PEX5: variants seen among roughly 807,000 people sequenced by gnomAD.
PEX5 encodes PTS1 receptor.
PEX5 carries 52 observed loss-of-function variants against 82.9 expected under a neutral mutation model. That is an observed-to-expected ratio of 0.63 (90% CI 0.50 to 0.79). The LOEUF is 0.79. Among genes scored for constraint, PEX5 ranks in the 30% least tolerant of loss-of-function variants. The pLI, the probability that PEX5 is intolerant of heterozygous loss-of-function variation, is 0.00. For missense variants in PEX5, 719 were observed against 815.2 expected (o/e 0.88, Z 1.44); for synonymous variants, 300 against 318.8 (o/e 0.94, Z 0.63).
rs771366153 is a variant in PEX5 at position 7,210,668 on chromosome 12, A to AATGTCTG, written c.*446_*452dup. ...GGAGGTTCATCTGCTGTGCGCCTCT[A>AATGTCTG]ATGTCTGTCTGGATGGGATGTGTTA... On this transcript the variant is annotated 3_prime_UTR_variant, in exon 16 of 16. Coordinates refer to ENST00000675855, the MANE Select transcript of PEX5 (RefSeq NM_001351132.2). 90 of 292,812 alleles carry AATGTCTG rather than the reference A, an allele frequency of 3.1e-4. No homozygotes were observed. Among genetic ancestry groups the AATGTCTG allele is most frequent in the Non-Finnish European group, 4.4e-4 (66 of 150,170 alleles). 18.1% of individuals were successfully genotyped at this position (292,812 alleles called of 1,614,324 possible). A position where few individuals can be genotyped will look rare whatever the true frequency, so the allele number is the denominator to read the frequency against.
At chr12:7,201,965 T>G in intron 7 of PEX5, 124 bp downstream of exon 7, 1 of 786,370 alleles carries the variant, frequency 1.3e-6, no homozygotes, top group Non-Finnish European at 2.2e-6. Flanking sequence ...TTCGTTCCTG[T>G]CTATAGAACA....
At chr12:7,218,280 A>G (rs1945836718) in intron 17 of PEX5, 1 of 152,196 alleles carries the variant, frequency 6.6e-6, no homozygotes, top group Admixed American at 6.5e-5. Context: ...CAATTGAGAC[A>G]CTTTCTGGTC....
chr12:7,202,214 T>A, intron 7 of PEX5, 27 bp from the exon 8 acceptor site: 1 of 1,613,838 alleles, frequency 6.2e-7, no homozygotes, highest in Non-Finnish European at 8.5e-7. Context: ...CTTTCCCAAG[T>A]GGCCTGTGTG....
intron 12 of PEX5, 72 bp from the exon 13 acceptor site, chr12:7,208,385 G>C (rs1591794847): frequency 1.8e-6 from 2 of 1,133,422 alleles, no homozygotes; most frequent in East Asian, 4.9e-5. Flanking sequence ...GCTTGGCTTG[G>C]ATCCCAGGGT....
chr12:7,196,202 TTA>T (rs1411716686), intron 5 of PEX5, among the ~76,000 whole-genome samples: 3 of 138,316 alleles, frequency 2.2e-5, no homozygotes, highest in African/African-American at 7.7e-5. Flanking sequence ...GTAATATATG[TTA>T]TGTAATAATT....
In PEX5 at chr12:7,189,714, T is replaced by C. The variant is rs770339670; in HGVS notation, c.-53T>C. 324 of 341,372 alleles carry C rather than the reference T, an allele frequency of 9.5e-4. 1 individual carries two copies. Among genetic ancestry groups the C allele is most frequent in the Middle Eastern group, 2.4e-3 (3 of 1,258 alleles). 21.1% of individuals were successfully genotyped at this position (341,372 alleles called of 1,614,324 possible). ...TTCTCCCCTCCCCCAAGCCAGCACC[T>C]GGTGCCCCGGCGGGTCGTGCGGCGC... On this transcript the variant is annotated 5_prime_UTR_variant, in exon 1 of 16. Coordinates refer to ENST00000675855, the MANE Select transcript of PEX5 (RefSeq NM_001351132.2).
At chr12:7,190,225 C>T (rs1565668536) in intron 1 of PEX5, 137 bp from the exon 2 acceptor site, 8 of 1,582,090 alleles carry the variant, frequency 5.1e-6, no homozygotes, top group South Asian at 2.2e-5. Context: ...AGGTGGGGGT[C>T]GCAGCAAAAG....
At chr12:7,192,699 C>T (rs747339503) in intron 5 of PEX5, among the ~76,000 whole-genome samples, 2 of 152,276 alleles carry the variant, frequency 1.3e-5, no homozygotes, top group African/African-American at 4.8e-5. Context: ...CTGAATTTTT[C>T]TGAGATGATT....
chr12:7,202,107 G>T, intron 7 of PEX5, 134 bp from the exon 8 acceptor site: 1 of 1,379,942 alleles, frequency 7.2e-7, no homozygotes, highest in East Asian at 2.3e-5. Context: ...ACCTCTTTTA[G>T]GGTCTTTAGC....
At position 7,210,544 on chromosome 12, in the gene PEX5, G is replaced by C. The variant is rs1405008194; in HGVS notation, c.*321G>C. 4.4e-6 allele frequency: 2 copies of C among 459,662 alleles called. No individual in the cohort carries two copies. The highest frequency in any genetic ancestry group is 4.0e-5 in the African/African-American group (2 of 50,504). The allele number at this position is 459,662 out of a possible 1,614,324, so 28.5% of individuals were successfully genotyped here. ...CGATTTAGGGTAACTGTTATCATCAGCTGCCATTTCTGATAGGGTCTACCA... is the reference window on the plus strand; with the variant it reads ...CGATTTAGGGTAACTGTTATCATCACCTGCCATTTCTGATAGGGTCTACCA... On this transcript the variant is annotated 3_prime_UTR_variant, in exon 16 of 16. Coordinates refer to ENST00000675855, the MANE Select transcript of PEX5 (RefSeq NM_001351132.2).
downstream of PEX5, among the ~76,000 whole-genome samples, chr12:7,212,464 G>A (rs1182953043): frequency 6.8e-4 from 65 of 96,266 alleles, no homozygotes; most frequent in African/African-American, 2.0e-3. Context: ...AAAGCTGCCA[G>A]AAAAAAAAAA....
At chr12:7,196,296 ATAT>A (rs1942194741) in intron 5 of PEX5, among the ~76,000 whole-genome samples, 1 of 72,668 alleles carries the variant, frequency 1.4e-5, no homozygotes, top group African/African-American at 5.7e-5. Flanking sequence ...TAATTTAATT[ATAT>A]GTCATATATA....
rs766287262 is a variant in PEX5, at chr12:7,202,703, A to C, written c.845A>C (p.Glu282Ala). 1.2e-5 allele frequency: 20 copies of C among 1,609,366 alleles called. No homozygotes were observed. In the South Asian group the frequency reaches 2.0e-4, roughly 16 times the overall value. ...TTTGAACGAGCCAAGTCAGCTATAGAGGTGAGAGCAGATAGTGCAGGAGCA... is the reference window on the plus strand; with the variant it reads ...TTTGAACGAGCCAAGTCAGCTATAGCGGTGAGAGCAGATAGTGCAGGAGCA... ...MEFERAKSAIESDVDFWDKLQ... is the reference protein window; with the variant it reads ...MEFERAKSAIASDVDFWDKLQ... Residue 282 changes from glutamate to alanine, a missense_variant and splice_region_variant, in exon 9 of 16, where the codon GAG (glutamate) becomes GCG (alanine). By Grantham distance (107) the Glu-to-Ala change is moderately radical. Transcript: ENST00000675855.
Position 7,202,686 on chromosome 12 carries a change from A to C in PEX5, c.828A>C (p.Arg276=). 8 of 1,613,762 alleles carry C rather than the reference A, an allele frequency of 5.0e-6. No homozygotes were observed. The highest frequency in any genetic ancestry group is 6.8e-6 in the Non-Finnish European group (8 of 1,179,652). ...CTGCCCTTGATATGGAGTTTGAACG[A>C]GCCAAGTCAGCTATAGAGGTGAGAG... ...NTSALDMEFE[R]AKSAIESDVD... is the part of the protein sequence containing the mutation. Residue 276 remains arginine (R), a synonymous_variant, in exon 9 of 16, where the codon CGA becomes CGC. Transcript: ENST00000675855.
chr12:7,207,482 C>G (rs1024335650), intron 10 of PEX5, among the ~76,000 whole-genome samples, 177 bp from the exon 11 acceptor site: 10 of 152,146 alleles, frequency 6.6e-5, no homozygotes, highest in Admixed American at 2.6e-4. Context: ...AAACCTGATA[C>G]CAAATGATTT....
Position 7,210,056 on chromosome 12 carries a change from A to G in PEX5, c.1753A>G (p.Met585Val), listed in dbSNP as rs1343610028. The G allele has an allele frequency of 6.2e-7, 1 of 1,614,224 alleles. No individual in the cohort carries two copies. Among genetic ancestry groups the G allele is most frequent in the South Asian group, 1.1e-5 (1 of 91,090 alleles). Reference sequence around the variant, plus strand: ...GGAGCACTTTCTGGAGGCCCTGAACATGCAGAGGAAAAGCCGGGGCCCCCG... The same window carrying G: ...GGAGCACTTTCTGGAGGCCCTGAACGTGCAGAGGAAAAGCCGGGGCCCCCG... ...AVEHFLEALN[M>V]QRKSRGPRGE... Residue 585 changes from methionine (M) to valine (V), a missense_variant, in exon 16 of 16, where the codon ATG becomes GTG. Physicochemically the swap from Met to Val is conservative, Grantham distance 21. Coordinates refer to ENST00000675855, the MANE Select transcript of PEX5 (RefSeq NM_001351132.2).
In PEX5 at chr12:7,191,252, G is replaced by C. The variant is rs758389702; in HGVS notation, c.210G>C (p.Gln70His). 4.3e-6 allele frequency: 7 copies of C among 1,614,178 alleles called. No homozygotes were observed. Among genetic ancestry groups the C allele is most frequent in the Non-Finnish European group, 5.1e-6 (6 of 1,180,026 alleles). The change falls in exon 4 of 16, where the codon CAG (glutamine) becomes CAC (histidine). Residue 70 changes from glutamine (Q) to histidine (H), a missense_variant. By Grantham distance (24) the Gln-to-His change is conservative. Transcript: ENST00000675855. ...TGGTGGCTGAATTCCTGCAGGACCA[G>C]AATGCACCCCTTGTGTCCCGTGCCC... is the stretch of plus-strand genomic sequence containing the variant. ...DELVAEFLQD[Q>H]NAPLVSRAPQ... is the part of the protein sequence containing the mutation.
In PEX5 at chr12:7,209,081, C is replaced by T. The variant is rs1174457827; in HGVS notation, c.1471C>T (p.Gln491Ter). The T allele has an allele frequency of 6.2e-7, 1 of 1,613,862 alleles. No individual in the cohort carries two copies. ...CCCTACCTCCATTGACCCTGATGTG[C>T]AGTGTGGCTTGGGAGTCCTTTTCAA... The part of the protein sequence containing the change: ...LDPTSIDPDV[Q>*]CGLGVLFNLS... Residue 491 changes from glutamine to a stop codon, truncating the protein, a stop_gained, in exon 14 of 16, where the codon CAG becomes TAG. Transcript: ENST00000675855. LOFTEE classifies it high-confidence loss of function.
downstream of PEX5, among the ~76,000 whole-genome samples, chr12:7,215,957 T>TA (rs767418244): frequency 9.0e-6 from 1 of 111,346 alleles, no homozygotes; most frequent in Non-Finnish European, 2.3e-5. Context: ...TTAAATATAT[T>TA]AATTAAATTA....
Sources: allele counts gnomAD v4.1 joint callset (sites outside exome capture counted in the v4.1 genomes callset), GRCh38; gene constraint gnomAD v4.1.1; transcripts MANE v1.5; gene names NCBI Gene and HGNC (gene_info 2026-07-23, HGNC 2026-07-21).